SWT1: variants seen among roughly 807,000 people sequenced by gnomAD.
The protein encoded by SWT1 is transcriptional protein SWT1.
In SWT1, 33 loss-of-function variants were observed where a neutral mutation model predicts 107.3. The observed-to-expected ratio is 0.31, with a 90% CI of 0.23 to 0.41. The LOEUF is 0.41. SWT1 is among the 10% of genes least tolerant of loss of function. SWT1 has a pLI of 1.00. For missense variants in SWT1, 898 were observed against 1,028.9 expected (o/e 0.87, Z 1.74); for synonymous variants, 345 against 348.3 (o/e 0.99, Z 0.11).
At chr1:185,165,576 A>G (rs1030256519) in intron 2 of SWT1, among the ~76,000 whole-genome samples, 5 of 152,152 alleles carry the variant, frequency 3.3e-5, no homozygotes, top group Admixed American at 6.5e-5. Context: ...TCTGTTCTCA[A>G]CACACTAGCT....
chr1:185,160,192 T>C (rs192908168), intron 1 of SWT1, among the ~76,000 whole-genome samples: 1 of 152,140 alleles, frequency 6.6e-6, no homozygotes, highest in African/African-American at 2.4e-5. Context: ...ACTAATTGGC[T>C]TTGAAGTGTG....
chr1:185,211,289 A>G (rs1316638957), intron 13 of SWT1, among the ~76,000 whole-genome samples: 1 of 152,216 alleles, frequency 6.6e-6, no homozygotes, highest in East Asian at 1.9e-4. Flanking sequence ...CTGACTTCAA[A>G]CTATACTACA....
chr1:185,182,044 A>G lies in SWT1; in HGVS notation c.1125A>G (p.Val375=), dbSNP rs745492615. 1.2e-6 allele frequency: 2 copies of G among 1,613,810 alleles called. No individual in the cohort carries two copies. The highest frequency in any genetic ancestry group is 1.7e-6 in the Non-Finnish European group (2 of 1,179,768). ...MSMEIDLEDD[V]HSSSANNTSD... ...TGGAAATTGACTTAGAAGATGATGT[A>G]CATTCCTCCTCTGGTATACCCTATA... The change falls in exon 7 of 19, where the codon GTA becomes GTG. Residue 375 remains valine, a synonymous_variant. Transcript: ENST00000367500.
At chr1:185,191,675 T>C (rs941885134) in intron 10 of SWT1, among the ~76,000 whole-genome samples, 3 of 152,184 alleles carry the variant, frequency 2.0e-5, no homozygotes, top group Non-Finnish European at 2.9e-5. Context: ...CATATTACTT[T>C]GGAGTTTGTT....
Position 185,287,136 on chromosome 1 carries a change from G to A in SWT1, c.2574-3538G>A, listed in dbSNP as rs528471704. On this transcript the variant is annotated intron_variant, in intron 18 of 18. Coordinates refer to ENST00000367500, the MANE Select transcript of SWT1 (RefSeq NM_017673.7). ...CTCATTCTTGGATTTTGGAAAAATT[G>A]CATCCAGCACTGGAATTAGATCATG... 1.5e-4 allele frequency among the ~76,000 whole-genome samples: 23 copies of A among 152,240 alleles called. 3 individuals are homozygous for A. The South Asian group carries it at 4.8e-3, about 32-fold the overall frequency.
At chr1:185,202,625 T>C in intron 10 of SWT1, 29 bp from the exon 11 acceptor site, 1 of 1,591,732 alleles carries the variant, frequency 6.3e-7, no homozygotes, top group Non-Finnish European at 8.5e-7. Context: ...AAATATTTTT[T>C]CCTCCTAATC....
chr1:185,209,584 A>G (rs895113000), intron 13 of SWT1, among the ~76,000 whole-genome samples: 1 of 152,188 alleles, frequency 6.6e-6, no homozygotes, highest in African/African-American at 2.4e-5. Context: ...ATAGTATTCC[A>G]TGGTGTATAT....
intron 4 of SWT1, among the ~76,000 whole-genome samples, chr1:185,169,222 G>T (rs577755558): frequency 1.4e-4 from 20 of 147,656 alleles, no homozygotes; most frequent in African/African-American, 4.5e-4. Flanking sequence ...TTCATATTAT[G>T]TTGACTATCC....
intron 10 of SWT1, among the ~76,000 whole-genome samples, chr1:185,197,604 T>C (rs2102432832): frequency 6.6e-6 from 1 of 152,322 alleles, no homozygotes; most frequent in Non-Finnish European, 1.5e-5. Context: ...TTTTGGTTGG[T>C]AGGCTATTAA....
intron 15 of SWT1, among the ~76,000 whole-genome samples, chr1:185,223,329 A>C (rs1659814527): frequency 1.3e-5 from 2 of 151,540 alleles, no homozygotes; most frequent in Admixed American, 1.3e-4. Flanking sequence ...CGATCCTCTC[A>C]CCTCATTTTT....
chr1:185,268,463 G>A (rs1051239029), intron 16 of SWT1, among the ~76,000 whole-genome samples: 2 of 152,274 alleles, frequency 1.3e-5, no homozygotes, highest in African/African-American at 4.8e-5. Flanking sequence ...GCCTGGTCAG[G>A]ATTTGTTTCT....
intron 16 of SWT1, among the ~76,000 whole-genome samples, chr1:185,266,140 T>C (rs1301932113): frequency 6.6e-6 from 1 of 152,182 alleles, no homozygotes; most frequent in Non-Finnish European, 1.5e-5. Flanking sequence ...CTTGGCTCAC[T>C]GCAAGCTCCG....
chr1:185,202,951 G>A (rs559513847), intron 11 of SWT1, 152 bp downstream of exon 11: 1 of 445,434 alleles, frequency 2.2e-6, no homozygotes, highest in Non-Finnish European at 3.9e-6. Flanking sequence ...TGAATAAATG[G>A]AAGTTATGAT....
At chr1:185,190,836 G>A (rs567177558) in intron 10 of SWT1, among the ~76,000 whole-genome samples, 194 bp downstream of exon 10, 3 of 152,244 alleles carry the variant, frequency 2.0e-5, no homozygotes, top group Admixed American at 6.5e-5. Context: ...ACTAGATGAA[G>A]TTTCATTTCA....
At chr1:185,214,924 A>G (rs975051522) in intron 14 of SWT1, among the ~76,000 whole-genome samples, 9 of 152,178 alleles carry the variant, frequency 5.9e-5, no homozygotes, top group Non-Finnish European at 1.0e-4. Flanking sequence ...TATGCATGCT[A>G]TTTGACTGTT....
At chr1:185,200,774 C>T (rs1010903570) in intron 10 of SWT1, among the ~76,000 whole-genome samples, 5 of 152,202 alleles carry the variant, frequency 3.3e-5, no homozygotes, top group Non-Finnish European at 7.3e-5. Flanking sequence ...AGAGCTCGAG[C>T]GCTGTGCTGG....
intron 16 of SWT1, among the ~76,000 whole-genome samples, chr1:185,250,749 A>G (rs151160552): frequency 0.04 from 6,007 of 151,906 alleles, 290 homozygotes; most frequent in African/African-American, 0.097. Flanking sequence ...TGCAACCTCC[A>G]CCTCCCGGGT....
rs765865978 is a variant in SWT1, at chr1:185,222,047, TG to T, written c.2309+16del. The T allele has an allele frequency of 6.8e-7, 1 of 1,479,856 alleles. No individual in the cohort carries two copies. The highest frequency in any genetic ancestry group is 9.0e-7 in the Non-Finnish European group (1 of 1,113,166). The allele number at this position is 1,479,856 out of a possible 1,614,324, so 91.7% of individuals were successfully genotyped here. On this transcript the variant is annotated intron_variant, in intron 15 of 18. Coordinates refer to ENST00000367500, the MANE Select transcript of SWT1 (RefSeq NM_017673.7). ...AATATATCAGAACAGGTACTAAATT[TG>T]GGGGAATTTTTTTTTAGTTATTTTT... is the stretch of plus-strand genomic sequence containing the variant.
chr1:185,165,022 T>A (rs1389126182), intron 2 of SWT1, among the ~76,000 whole-genome samples: 1 of 152,218 alleles, frequency 6.6e-6, no homozygotes, highest in East Asian at 1.9e-4. Flanking sequence ...ATTCTTCCTT[T>A]CACTTGAACA....
Sources: gnomAD v4.1 joint callset for allele counts (sites outside exome capture counted in the v4.1 genomes callset) on GRCh38, gnomAD v4.1.1 for gene constraint, MANE v1.5 for transcripts, NCBI Gene and HGNC (gene_info 2026-07-23, HGNC 2026-07-21) for gene names.